The following AFG2A variants were observed in gnomAD, a reference collection of about 807,000 sequenced individuals.
AFG2A encodes ATPase family gene 2 protein homolog A.
chr4:123,184,831 C>T, the AFG2A span, among the ~76,000 whole-genome samples: 1 of 151,888 alleles, frequency 6.6e-6, no homozygotes, highest in Non-Finnish European at 1.5e-5. Flanking sequence ...CCACCGCGCC[C>T]GGCCCCAGCA....
the AFG2A span, among the ~76,000 whole-genome samples, chr4:123,123,391 A>ACTTTAGCT: frequency 6.6e-6 from 1 of 152,190 alleles, no homozygotes; most frequent in Admixed American, 6.5e-5. Context: ...TAGCACTTTA[A>ACTTTAGCT]TCTTTTAACT....
At chr4:123,130,573 G>A in the AFG2A span, among the ~76,000 whole-genome samples, 1 of 152,146 alleles carries the variant, frequency 6.6e-6, no homozygotes, top group East Asian at 1.9e-4. Flanking sequence ...AGATTCGTCT[G>A]TGTTACTGTA....
At chr4:122,949,542 C>G in the AFG2A span, among the ~76,000 whole-genome samples, 283 of 152,278 alleles carry the variant, frequency 1.9e-3, 2 homozygotes, top group Admixed American at 5.6e-3. Context: ...GAGAGATAAC[C>G]ATCTGCACCC....
chr4:123,208,458 C>A, the AFG2A span, among the ~76,000 whole-genome samples: 2 of 152,126 alleles, frequency 1.3e-5, no homozygotes, highest in Non-Finnish European at 2.9e-5. Context: ...AAACCATAAA[C>A]CCAGACCACT....
At chr4:122,979,222 C>A in the AFG2A span, 1 of 1,609,924 alleles carries the variant, frequency 6.2e-7, no homozygotes, top group Non-Finnish European at 8.5e-7. Flanking sequence ...TTACTTTCCT[C>A]TCTTTATAGG....
the AFG2A span, among the ~76,000 whole-genome samples, chr4:123,282,806 G>T: frequency 6.7e-6 from 1 of 148,862 alleles, no homozygotes; most frequent in Non-Finnish European, 1.5e-5. Flanking sequence ...AAAGAAGCAG[G>T]GGGGAGAAAA....
At chr4:123,215,262 C>T in the AFG2A span, among the ~76,000 whole-genome samples, 1 of 152,050 alleles carries the variant, frequency 6.6e-6, no homozygotes, top group African/African-American at 2.4e-5. Context: ...CCCACTTTTC[C>T]ATTAAATATT....
chr4:123,174,096 T>C, the AFG2A span, among the ~76,000 whole-genome samples: 1 of 152,200 alleles, frequency 6.6e-6, no homozygotes, highest in Non-Finnish European at 1.5e-5. Context: ...TTATTAGAAC[T>C]AGAAGAAGCA....
the AFG2A span, among the ~76,000 whole-genome samples, chr4:123,264,404 T>A: frequency 6.6e-6 from 1 of 152,192 alleles, no homozygotes; most frequent in African/African-American, 2.4e-5. Flanking sequence ...GTGCAAACTT[T>A]AACCTGCCAT....
the AFG2A span, among the ~76,000 whole-genome samples, chr4:123,281,857 G>A: frequency 2.0e-5 from 3 of 152,126 alleles, no homozygotes; most frequent in Non-Finnish European, 2.9e-5. Flanking sequence ...TACATACTCT[G>A]TAATTCCAAA....
the AFG2A span, among the ~76,000 whole-genome samples, chr4:123,160,255 A>G: frequency 6.6e-6 from 1 of 152,174 alleles, no homozygotes; most frequent in East Asian, 1.9e-4. Flanking sequence ...TCCTTAAAAA[A>G]TAATAATAAT....
At chr4:123,237,035 A>G in the AFG2A span, among the ~76,000 whole-genome samples, 1 of 152,232 alleles carries the variant, frequency 6.6e-6, no homozygotes, top group Admixed American at 6.5e-5. Context: ...AGTGATTGTG[A>G]TGCACAGTGA....
chr4:123,185,076 C>T, the AFG2A span, among the ~76,000 whole-genome samples: 2 of 152,086 alleles, frequency 1.3e-5, no homozygotes, highest in African/African-American at 4.8e-5. Flanking sequence ...TAGGTGAAAC[C>T]TAGGCAAAGC....
chr4:123,229,639 G>A, the AFG2A span, among the ~76,000 whole-genome samples: 1 of 151,998 alleles, frequency 6.6e-6, no homozygotes, highest in Admixed American at 6.6e-5. Context: ...TTGGATGTAG[G>A]AAAGGAGAAA....
At chr4:122,984,676 G>A in the AFG2A span, among the ~76,000 whole-genome samples, 20 of 152,266 alleles carry the variant, frequency 1.3e-4, no homozygotes, top group African/African-American at 3.9e-4. Context: ...GCTGAATTTT[G>A]TTGAGTACTT....
the AFG2A span, among the ~76,000 whole-genome samples, chr4:122,997,019 C>G: frequency 6.6e-6 from 1 of 152,180 alleles, no homozygotes; most frequent in Non-Finnish European, 1.5e-5. Flanking sequence ...AGTCCATTGA[C>G]TCACACCATT....
the AFG2A span, among the ~76,000 whole-genome samples, chr4:123,293,798 C>T: frequency 6.6e-6 from 1 of 152,192 alleles, no homozygotes; most frequent in East Asian, 1.9e-4. Flanking sequence ...CAGCAGTCTG[C>T]CACAAGACCT....
At chr4:123,042,110 A>G in the AFG2A span, among the ~76,000 whole-genome samples, 1 of 152,152 alleles carries the variant, frequency 6.6e-6, no homozygotes, top group Non-Finnish European at 1.5e-5. Flanking sequence ...CCATATTATC[A>G]TATTTCAATA....
chr4:123,114,817 G>A, the AFG2A span, among the ~76,000 whole-genome samples: 5 of 152,378 alleles, frequency 3.3e-5, no homozygotes, highest in African/African-American at 9.6e-5. Context: ...CAGGTGAGGT[G>A]CAGGTGGCAT....
Sources: allele counts gnomAD v4.1 joint callset (sites outside exome capture counted in the v4.1 genomes callset), GRCh38; gene constraint gnomAD v4.1.1; transcripts MANE v1.5; gene names NCBI Gene and HGNC (gene_info 2026-07-23, HGNC 2026-07-21).